KCNH8: variants seen among roughly 807,000 people sequenced by gnomAD.
KCNH8 encodes potassium voltage-gated channel subfamily H member 8, also known as voltage-gated delayed rectifier potassium channel KCNH8.
In KCNH8, 70 loss-of-function variants were observed where a neutral mutation model predicts 103.6. The ratio of observed to expected loss-of-function variants is 0.68; its 90% confidence interval spans 0.56 to 0.82. The LOEUF (loss-of-function observed/expected upper bound fraction) is 0.82, where lower values mean the gene tolerates loss of function less well. Ranked by LOEUF, KCNH8 falls within the 40% of genes least tolerant of loss-of-function variation. The pLI is 0.00. For synonymous variants in KCNH8, 498 were observed against 489.4 expected (o/e 1.02, Z -0.23); for missense variants, 1,217 against 1,329.9 (o/e 0.92, Z 1.32).
At chr3:19,432,027 A>ACTC (rs34655835) in intron 7 of KCNH8, among the ~76,000 whole-genome samples, 1 of 151,528 alleles carries the variant, frequency 6.6e-6, no homozygotes, top group African/African-American at 2.4e-5. Flanking sequence ...TTATTTTTTA[A>ACTC]CTGCTAGTTT....
At chr3:19,175,907 A>G (rs1056786527) in intron 1 of KCNH8, among the ~76,000 whole-genome samples, 4 of 152,216 alleles carry the variant, frequency 2.6e-5, no homozygotes, top group Non-Finnish European at 4.4e-5. Flanking sequence ...TACAAGTCCA[A>G]GTTCCCGTAT....
At chr3:19,302,264 C>T (rs1385373383) in intron 3 of KCNH8, among the ~76,000 whole-genome samples, 1 of 152,110 alleles carries the variant, frequency 6.6e-6, no homozygotes, top group African/African-American at 2.4e-5. Flanking sequence ...CTGTGAATAA[C>T]AAAAGATACT....
At position 19,351,310 on chromosome 3, in the gene KCNH8, T is replaced by C. The variant is rs150862860; in HGVS notation, c.811+3345T>C. On this transcript the variant is annotated intron_variant, in intron 5 of 15. Transcript: ENST00000328405. ...AATGCAACCAAGTTGTAAAATGCTC[T>C]TCAGGATATTATCCAGGAGAACTTT... 4.1e-3 allele frequency among the ~76,000 whole-genome samples: 627 copies of C among 152,282 alleles called. 3 individuals carry two copies. Among genetic ancestry groups the C allele is most frequent in the African/African-American group, 0.014 (584 of 41,568 alleles).
chr3:19,419,362 G>C (rs1179249310), intron 7 of KCNH8, among the ~76,000 whole-genome samples: 1 of 151,468 alleles, frequency 6.6e-6, no homozygotes. Context: ...ACCACGCCCG[G>C]CTAATTTTTT....
chr3:19,519,568 C>A (rs565633393), intron 15 of KCNH8, among the ~76,000 whole-genome samples: 1 of 150,784 alleles, frequency 6.6e-6, no homozygotes, highest in South Asian at 2.1e-4. Flanking sequence ...AAAAGGAATA[C>A]TAGATGGTCC....
chr3:19,157,056 A>G (rs1434642442), intron 1 of KCNH8, among the ~76,000 whole-genome samples: 1 of 151,790 alleles, frequency 6.6e-6, no homozygotes, highest in African/African-American at 2.4e-5. Context: ...GTCCAAATGA[A>G]TCTTTTATTC....
chr3:19,470,988 A>C (rs1196177979), intron 11 of KCNH8, among the ~76,000 whole-genome samples: 1 of 152,172 alleles, frequency 6.6e-6, no homozygotes, highest in Non-Finnish European at 1.5e-5. Flanking sequence ...TATACCCTGC[A>C]AAGAGATCAA....
rs142608601 is a variant in KCNH8 at position 19,166,645 on chromosome 3, G to T, written c.76+17850G>T. 2.6e-5 allele frequency among the ~76,000 whole-genome samples: 4 copies of T among 152,294 alleles called. No individual in the cohort carries two copies. The East Asian group carries it at 7.7e-4, about 29-fold the overall frequency. On this transcript the variant is annotated intron_variant, in intron 1 of 15. Coordinates refer to ENST00000328405, the MANE Select transcript of KCNH8 (RefSeq NM_144633.3). ...TTTTCTAGTTAAAGGAGGCAAATTT[G>T]ATTAAATTGTTGGAATGCTATCCAA... is the stretch of plus-strand genomic sequence containing the variant.
rs1242762877 is a variant in KCNH8 at position 19,374,555 on chromosome 3, T to A, written c.812-15926T>A. Among the ~76,000 whole-genome samples, 3 of 152,236 alleles carry A rather than the reference T, an allele frequency of 2.0e-5. No homozygotes were observed. In the East Asian group the frequency reaches 5.8e-4, roughly 29 times the overall value. On this transcript the variant is annotated intron_variant, in intron 5 of 15. Transcript: ENST00000328405. ...CACACTGATGGGTGTTGACTCTTTATCCAGTTTGCCAGTCTGTGTCTTTTA... is the reference window on the plus strand; with the variant it reads ...CACACTGATGGGTGTTGACTCTTTAACCAGTTTGCCAGTCTGTGTCTTTTA...
intron 12 of KCNH8, among the ~76,000 whole-genome samples, chr3:19,511,725 G>A (rs958225124): frequency 1.3e-5 from 2 of 151,996 alleles, no homozygotes; most frequent in African/African-American, 4.8e-5. Context: ...ATAACCATAC[G>A]TATTTGGAAA....
chr3:19,462,591 T>A (rs2067655663), intron 11 of KCNH8, among the ~76,000 whole-genome samples: 1 of 152,202 alleles, frequency 6.6e-6, no homozygotes, highest in Non-Finnish European at 1.5e-5. Context: ...TTCTGTAGGT[T>A]GCCTGTTCAC....
intron 3 of KCNH8, among the ~76,000 whole-genome samples, chr3:19,297,332 C>T (rs2065009490): frequency 6.6e-6 from 1 of 151,906 alleles, no homozygotes; most frequent in Non-Finnish European, 1.5e-5. Flanking sequence ...ATTATAAAGC[C>T]CAAATGGTAC....
chr3:19,229,669 A>AT (rs1010298073), intron 1 of KCNH8, among the ~76,000 whole-genome samples: 2 of 152,094 alleles, frequency 1.3e-5, no homozygotes, highest in African/African-American at 2.4e-5. Context: ...CCCTGGAGAC[A>AT]TTTTCCCCTC....
chr3:19,340,358 T>A (rs77735068), intron 3 of KCNH8, among the ~76,000 whole-genome samples: 5,567 of 54,478 alleles, frequency 0.1, 104 homozygotes, highest in African/African-American at 0.22. Flanking sequence ...TTTTTTTTAA[T>A]TTTTTTTTTT....
intron 7 of KCNH8, among the ~76,000 whole-genome samples, chr3:19,400,969 A>C (rs1440376098): frequency 6.6e-6 from 1 of 152,008 alleles, no homozygotes; most frequent in Non-Finnish European, 1.5e-5. Context: ...GTAGATTCGC[A>C]TTCTTAAGAA....
At chr3:19,246,659 CTT>C (rs1376304720) in intron 1 of KCNH8, among the ~76,000 whole-genome samples, 1 of 152,086 alleles carries the variant, frequency 6.6e-6, no homozygotes, top group Non-Finnish European at 1.5e-5. Context: ...ATAAGTCTCT[CTT>C]ATTTTTTTAT....
chr3:19,263,829 C>T (rs1433002400), intron 2 of KCNH8, among the ~76,000 whole-genome samples: 1 of 152,036 alleles, frequency 6.6e-6, no homozygotes, highest in African/African-American at 2.4e-5. Flanking sequence ...TTCCTAGAAA[C>T]ACATTTGGGG....
At chr3:19,484,731 T>C (rs994483478) in intron 11 of KCNH8, among the ~76,000 whole-genome samples, 1 of 152,158 alleles carries the variant, frequency 6.6e-6, no homozygotes, top group African/African-American at 2.4e-5. Flanking sequence ...CCACACGCGA[T>C]CACCTGGAAA....
intron 1 of KCNH8, among the ~76,000 whole-genome samples, chr3:19,230,309 T>C (rs1296199713): frequency 3.3e-5 from 5 of 152,224 alleles, no homozygotes; most frequent in African/African-American, 1.2e-4. Context: ...CAATAAATCT[T>C]ATTCCAAGTT....
Sources: allele counts gnomAD v4.1 joint callset (sites outside exome capture counted in the v4.1 genomes callset), GRCh38; gene constraint gnomAD v4.1.1; transcripts MANE v1.5; gene names NCBI Gene and HGNC (gene_info 2026-07-23, HGNC 2026-07-21).